Variants in TGFBR3 observed in about 807,000 individuals in gnomAD.
TGFBR3 encodes the protein transforming growth factor beta receptor type 3.
A neutral mutation model predicts 87.9 loss-of-function variants in TGFBR3; 46 were observed. The ratio of observed to expected loss-of-function variants is 0.52; its 90% CI spans 0.41 to 0.67. The LOEUF (loss-of-function observed/expected upper bound fraction) is 0.67. Ranked by LOEUF, TGFBR3 falls within the 30% of genes least tolerant of loss-of-function variation. TGFBR3 has a pLI of 0.00. For missense variants in TGFBR3, 866 were observed against 1,041.9 expected (o/e 0.83, Z 2.32); for synonymous variants, 381 against 391.6 (o/e 0.97, Z 0.32).
chr1:91,874,508 G>A (rs1678708634), intron 1 of TGFBR3, among the ~76,000 whole-genome samples: 1 of 152,140 alleles, frequency 6.6e-6, no homozygotes, highest in South Asian at 2.1e-4. Context: ...AAACAGTAGA[G>A]TGGTTTTTTG....
intron 1 of TGFBR3, among the ~76,000 whole-genome samples, chr1:91,882,170 G>A (rs1217850076): frequency 2.3e-5 from 3 of 129,274 alleles, no homozygotes; most frequent in Admixed American, 8.5e-5. Context: ...ACAGAACCTC[G>A]CTGTCTGCCA....
intron 2 of TGFBR3, among the ~76,000 whole-genome samples, chr1:91,817,039 C>A (rs1676258615): frequency 6.6e-6 from 1 of 152,196 alleles, no homozygotes; most frequent in African/African-American, 2.4e-5. Context: ...ACAAGAATTA[C>A]TGGCATAGCT....
At chr1:91,812,657 G>A (rs1443774659) in intron 2 of TGFBR3, among the ~76,000 whole-genome samples, 2 of 152,118 alleles carry the variant, frequency 1.3e-5, no homozygotes, top group Non-Finnish European at 2.9e-5. Flanking sequence ...CAGTCGCCCA[G>A]GCTGGAGTGC....
intron 16 of TGFBR3, among the ~76,000 whole-genome samples, chr1:91,691,502 C>G (rs1671264061): frequency 6.6e-6 from 1 of 152,210 alleles, no homozygotes; most frequent in African/African-American, 2.4e-5. Context: ...TGTCTATAAT[C>G]TAACATTCTG....
chr1:91,872,550 G>C (rs1678622363), intron 1 of TGFBR3, among the ~76,000 whole-genome samples: 1 of 152,192 alleles, frequency 6.6e-6, no homozygotes, highest in Admixed American at 6.5e-5. Flanking sequence ...TGGCCTAAAA[G>C]TCTCAAGACT....
At chr1:91,689,731 A>G (rs1257656633) in intron 16 of TGFBR3, among the ~76,000 whole-genome samples, 2 of 151,886 alleles carry the variant, frequency 1.3e-5, no homozygotes, top group South Asian at 4.2e-4. Flanking sequence ...GTGCCTGGGT[A>G]ACTTTGAGCT....
chr1:91,827,028 C>T (rs1676666506), intron 2 of TGFBR3, among the ~76,000 whole-genome samples: 1 of 152,170 alleles, frequency 6.6e-6, no homozygotes, highest in African/African-American at 2.4e-5. Context: ...AACAGATGAA[C>T]ATAGTTGCCT....
At chr1:91,796,156 T>C (rs994218110) in intron 3 of TGFBR3, among the ~76,000 whole-genome samples, 2 of 152,208 alleles carry the variant, frequency 1.3e-5, no homozygotes, top group African/African-American at 2.4e-5. Context: ...AGTGATAACA[T>C]TTCTGACACA....
At chr1:91,855,979 C>T (rs1677927616) in intron 2 of TGFBR3, among the ~76,000 whole-genome samples, 1 of 152,072 alleles carries the variant, frequency 6.6e-6, no homozygotes, top group East Asian at 1.9e-4. Flanking sequence ...CCTTACACAG[C>T]TCGTGTTCAC....
chr1:91,703,737 T>C (rs1671699542), intron 14 of TGFBR3, among the ~76,000 whole-genome samples: 2 of 152,208 alleles, frequency 1.3e-5, no homozygotes, highest in African/African-American at 2.4e-5. Flanking sequence ...AATATGCCTA[T>C]ACTTCAAAAT....
intron 5 of TGFBR3, 59 bp downstream of exon 5, chr1:91,734,717 G>C: frequency 6.3e-7 from 1 of 1,596,694 alleles, no homozygotes; most frequent in Middle Eastern, 1.7e-4. Flanking sequence ...CCTGGTTTCA[G>C]AAAAGAAAAC....
At position 91,683,929 on chromosome 1, in the gene TGFBR3, T is replaced by C; in HGVS notation, c.2438-72A>G. 2.2e-6 allele frequency: 3 copies of C among 1,387,614 alleles called. No individual in the cohort carries two copies. In the South Asian group the frequency reaches 3.7e-5, roughly 17 times the overall value. The allele number at this position is 1,387,614 out of a possible 1,614,324, so 86.0% of individuals were successfully genotyped here. Reference sequence around the variant, plus strand: ...TGTATGTGCATTCCTGAAAAGATCATTTATTCCGCATTTGCCATTTTAACT... The same window carrying C: ...TGTATGTGCATTCCTGAAAAGATCACTTATTCCGCATTTGCCATTTTAACT... On this transcript the variant is annotated intron_variant, in intron 16 of 16. Coordinates refer to ENST00000212355, the MANE Select transcript of TGFBR3 (RefSeq NM_003243.5).
chr1:91,725,837 T>C (rs1672529972), intron 7 of TGFBR3, among the ~76,000 whole-genome samples: 2 of 152,308 alleles, frequency 1.3e-5, no homozygotes, highest in East Asian at 1.9e-4. Context: ...CTAAAGGAAA[T>C]ACTAGAAACA....
intron 1 of TGFBR3, among the ~76,000 whole-genome samples, chr1:91,873,550 C>G (rs942139644): frequency 1.3e-5 from 2 of 151,908 alleles, no homozygotes; most frequent in African/African-American, 4.8e-5. Flanking sequence ...GACTCCTGTC[C>G]TCGGCCTCCA....
In TGFBR3 at chr1:91,891,170, T is replaced by A. The variant is rs567611814; in HGVS notation, c.-114+8467A>T. ...TCCCAAAGTGCTGGGATTACAGGTG[T>A]GAGTCACTGAGCCTGGTCTCTCTTT... On this transcript the variant is annotated intron_variant, in intron 2 of 17. Coordinates refer to the TGFBR3 transcript ENST00000370399. Among the ~76,000 whole-genome samples, 239 of 151,580 alleles carry A rather than the reference T, an allele frequency of 1.6e-3. 2 individuals are homozygous for A. Among genetic ancestry groups the A allele is most frequent in the African/African-American group, 5.7e-3 (237 of 41,316 alleles).
At position 91,815,653 on chromosome 1, in the gene TGFBR3, C is replaced by G. The variant is rs1002934090; in HGVS notation, c.62-18182G>C. Among the ~76,000 whole-genome samples the G allele has an allele frequency of 5.9e-5, 9 of 152,186 alleles. 1 individual carries two copies. Among genetic ancestry groups the G allele is most frequent in the African/African-American group, 1.9e-4 (8 of 41,444 alleles). On this transcript the variant is annotated intron_variant, in intron 2 of 16. Transcript: ENST00000212355. The stretch of plus-strand genomic sequence containing the variant: ...AAGTTCCTTGACTTAGGGCCCCTCT[C>G]TTGGTTGCCTCACCTGGAGTTAATA...
At position 91,802,400 on chromosome 1, in the gene TGFBR3, G is replaced by A. The variant is rs567649621; in HGVS notation, c.62-4929C>T. 1.7e-3 allele frequency among the ~76,000 whole-genome samples: 253 copies of A among 148,298 alleles called. 1 individual carries two copies. The highest frequency in any genetic ancestry group is 3.8e-3 in the South Asian group (18 of 4,688). On this transcript the variant is annotated intron_variant, in intron 2 of 16. Coordinates refer to ENST00000212355, the MANE Select transcript of TGFBR3 (RefSeq NM_003243.5). ...TTTTTTGAGACAGTCTCGCTCTGTC[G>A]TCCAGGCGAGAGGGCAGTGACGCGC...
chr1:91,847,244 T>G (rs1453420899), intron 2 of TGFBR3, among the ~76,000 whole-genome samples: 4 of 152,124 alleles, frequency 2.6e-5, no homozygotes, highest in Non-Finnish European at 5.9e-5. Context: ...AATTACAACT[T>G]ACAGAAATTT....
chr1:91,763,600 A>C (rs1432719415), intron 3 of TGFBR3, among the ~76,000 whole-genome samples: 1 of 152,210 alleles, frequency 6.6e-6, no homozygotes, highest in Non-Finnish European at 1.5e-5. Flanking sequence ...AGGGGTAAGG[A>C]GACATCCCAC....
Sources: allele counts gnomAD v4.1 joint callset (sites outside exome capture counted in the v4.1 genomes callset), GRCh38; gene constraint gnomAD v4.1.1; transcripts MANE v1.5; gene names NCBI Gene and HGNC (gene_info 2026-07-23, HGNC 2026-07-21).